Variants in ZSCAN25 observed in about 807,000 individuals in gnomAD.
ZSCAN25 encodes zinc finger and SCAN domain containing 25, also known as zinc finger and SCAN domain-containing protein 25.
In ZSCAN25, 27 loss-of-function variants were observed where a neutral mutation model predicts 38.7. The observed-to-expected ratio is 0.70, with a 90% CI of 0.51 to 0.96. ZSCAN25 has a LOEUF of 0.96. Ranked by LOEUF, ZSCAN25 falls within the 40% of genes least tolerant of loss-of-function variation. The pLI is 0.00. For synonymous variants in ZSCAN25, 273 were observed against 277.7 expected, an observed-to-expected ratio of 0.98 and a Z score of 0.17; for missense variants, 637 against 705.9, an observed-to-expected ratio of 0.90 and a Z score of 1.11.
At chr7:99,696,848 TG>T in the ZSCAN25 span, among the ~76,000 whole-genome samples, 4 of 152,144 alleles carry the variant, frequency 2.6e-5, no homozygotes, top group African/African-American at 9.7e-5. Context: ...CCCCTTTGGG[TG>T]TTTCCTCGTG....
At chr7:99,652,711 T>C in the ZSCAN25 span, 12 of 1,614,132 alleles carry the variant, frequency 7.4e-6, no homozygotes, top group Admixed American at 1.7e-5. Context: ...CTGGGAATAA[T>C]CTGAGTGTTT....
chr7:99,698,658 A>G, the ZSCAN25 span, among the ~76,000 whole-genome samples: 2 of 152,198 alleles, frequency 1.3e-5, no homozygotes, highest in South Asian at 2.1e-4. Flanking sequence ...AGCGATATAC[A>G]TTCATGCTTT....
At chr7:99,627,636 G>A (rs1322580300) in intron 7 of ZSCAN25, among the ~76,000 whole-genome samples, 1 of 150,712 alleles carries the variant, frequency 6.6e-6, no homozygotes, top group Non-Finnish European at 1.5e-5. Context: ...CAGACAATGT[G>A]TTCCCGTTGG....
the ZSCAN25 span, among the ~76,000 whole-genome samples, chr7:99,704,192 C>A: frequency 6.6e-6 from 1 of 151,982 alleles, no homozygotes; most frequent in African/African-American, 2.4e-5. Flanking sequence ...TTTCCTGTCT[C>A]CCAGAAATAT....
the ZSCAN25 span, among the ~76,000 whole-genome samples, chr7:99,733,962 G>A: frequency 6.6e-6 from 1 of 152,208 alleles, no homozygotes. Flanking sequence ...TCATATTCCT[G>A]ACATTATTCT....
chr7:99,729,793 C>T, the ZSCAN25 span, among the ~76,000 whole-genome samples: 4 of 152,128 alleles, frequency 2.6e-5, no homozygotes, highest in Non-Finnish European at 5.9e-5. Context: ...CTGCTTACCC[C>T]ACTCCTATAA....
the ZSCAN25 span, among the ~76,000 whole-genome samples, chr7:99,686,373 C>T: frequency 1.2e-4 from 19 of 152,166 alleles, no homozygotes; most frequent in Non-Finnish European, 2.2e-4. Context: ...GCACATGGCT[C>T]GGAGGGTCCT....
At chr7:99,723,036 A>AC in the ZSCAN25 span, among the ~76,000 whole-genome samples, 22 of 151,036 alleles carry the variant, frequency 1.5e-4, no homozygotes, top group African/African-American at 5.3e-4. Flanking sequence ...TTAAAAAAAA[A>AC]CCTTCCTGTT....
chr7:99,678,931 G>A, the ZSCAN25 span, among the ~76,000 whole-genome samples: 2 of 152,166 alleles, frequency 1.3e-5, no homozygotes, highest in African/African-American at 4.8e-5. Context: ...TAGGATGCCA[G>A]GAATCCCACC....
chr7:99,632,312 T>C lies in ZSCAN25; in HGVS notation c.*2292T>C, dbSNP rs1327538004. 1.1e-6 allele frequency: 1 copy of C among 909,692 alleles called. No individual in the cohort carries two copies. The highest frequency in any genetic ancestry group is 1.3e-6 in the Non-Finnish European group (1 of 761,282). The allele number at this position is 909,692 out of a possible 1,614,324, so 56.4% of individuals were successfully genotyped here. A position where few individuals can be genotyped will look rare whatever the true frequency, so the allele number is the denominator to read the frequency against. ...TTTTGTTTTCTGTATTTTTCTATTC[T>C]TTAGAAATTTTTTTATAATAGATAA... On this transcript the variant is annotated 3_prime_UTR_variant, in exon 8 of 8. Coordinates refer to ENST00000394152, the MANE Select transcript of ZSCAN25 (RefSeq NM_145115.3).
the ZSCAN25 span, chr7:99,662,986 A>G: frequency 2.3e-4 from 356 of 1,540,862 alleles, 2 homozygotes; most frequent in Non-Finnish European, 1.8e-4. The surrounding 1 kb of genome is among the most constrained non-coding windows in gnomAD (Gnocchi z 4.3). Flanking sequence ...CCCTCCCTCA[A>G]CCTCCCTATG....
chr7:99,672,924 CA>C, the ZSCAN25 span: 2 of 1,291,554 alleles, frequency 1.5e-6, no homozygotes, highest in East Asian at 6.3e-5. Flanking sequence ...TATTGAAAGA[CA>C]AAAGAGCTCT....
the ZSCAN25 span, chr7:99,730,924 T>C: frequency 8.3e-7 from 1 of 1,208,396 alleles, no homozygotes; most frequent in South Asian, 1.5e-5. Context: ...TGCCACGCTC[T>C]GGGTGATGCC....
the ZSCAN25 span, among the ~76,000 whole-genome samples, chr7:99,701,047 C>G: frequency 1.3e-5 from 2 of 152,178 alleles, no homozygotes; most frequent in Non-Finnish European, 2.9e-5. Context: ...ACCCAACCAC[C>G]CTGTGCCTCT....
chr7:99,668,809 A>G, the ZSCAN25 span, among the ~76,000 whole-genome samples: 1 of 152,328 alleles, frequency 6.6e-6, no homozygotes, highest in East Asian at 1.9e-4. Context: ...CTTCAGTTTT[A>G]TGGTGGTGTG....
the ZSCAN25 span, among the ~76,000 whole-genome samples, chr7:99,698,895 A>G: frequency 6.6e-6 from 1 of 152,342 alleles, no homozygotes; most frequent in Middle Eastern, 3.4e-3. Flanking sequence ...TGAATTCCTA[A>G]GCTTTCTGTG....
chr7:99,637,420 G>T, the ZSCAN25 span, among the ~76,000 whole-genome samples: 1 of 151,954 alleles, frequency 6.6e-6, no homozygotes, highest in Non-Finnish European at 1.5e-5. Context: ...AGGAAAAACA[G>T]CAAAGTGACT....
chr7:99,704,480 G>C, the ZSCAN25 span, among the ~76,000 whole-genome samples: 10 of 151,866 alleles, frequency 6.6e-5, no homozygotes, highest in African/African-American at 2.2e-4. Context: ...TAGTAGAAAG[G>C]GGGCTTCACT....
chr7:99,721,032 T>C, the ZSCAN25 span: 5 of 153,728 alleles, frequency 3.3e-5, no homozygotes, highest in Non-Finnish European at 5.8e-5. Flanking sequence ...ATGCTTCTAG[T>C]GAACGAACAC....
Sources: allele counts gnomAD v4.1 joint callset (sites outside exome capture counted in the v4.1 genomes callset), GRCh38; gene constraint gnomAD v4.1.1; non-coding constraint Gnocchi (gnomAD v3.1); transcripts MANE v1.5; gene names NCBI Gene and HGNC (gene_info 2026-07-23, HGNC 2026-07-21).